Variants in TRAPPC8 observed in about 807,000 individuals in gnomAD.
TRAPPC8 encodes trafficking protein particle complex subunit 8.
A neutral mutation model predicts 174.3 loss-of-function variants in TRAPPC8; 54 were observed. The ratio of observed to expected loss-of-function variants is 0.31; its 90% CI spans 0.25 to 0.39. TRAPPC8 has a LOEUF of 0.39. Ranked by LOEUF, TRAPPC8 falls within the 10% of genes least tolerant of loss-of-function variation. TRAPPC8 has a pLI of 1.00. For synonymous variants in TRAPPC8, 630 were observed against 579.9 expected (o/e 1.09, Z -1.24); for missense variants, 1,531 against 1,699.1 (o/e 0.90, Z 1.74).
At chr18:31,919,584 AT>A (rs1568136605) in intron 2 of TRAPPC8, among the ~76,000 whole-genome samples, 80 of 77,184 alleles carry the variant, frequency 1.0e-3, no homozygotes, top group Admixed American at 3.4e-3. Context: ...AAATAAATAA[AT>A]AAATAAAATA....
chr18:31,920,219 T>A (rs1453394449), intron 2 of TRAPPC8, among the ~76,000 whole-genome samples: 1 of 152,240 alleles, frequency 6.6e-6, no homozygotes, highest in Non-Finnish European at 1.5e-5. Context: ...AAATGACAGA[T>A]AAATTATAGT....
intron 2 of TRAPPC8, among the ~76,000 whole-genome samples, chr18:31,929,228 GT>G (rs1456626290): frequency 1.3e-5 from 2 of 150,910 alleles, no homozygotes; most frequent in African/African-American, 2.4e-5. Context: ...CCAAACTCCT[GT>G]TTTCAGAGGT....
chr18:31,866,872 C>T lies in TRAPPC8; in HGVS notation c.2567G>A (p.Gly856Asp), dbSNP rs373569841. 1.2e-6 allele frequency: 2 copies of T among 1,613,344 alleles called. No homozygotes were observed. ...IQGSMTVDGIGALPGCHTGKY... is the reference protein window; with the variant it reads ...IQGSMTVDGIDALPGCHTGKY... ...ACCTGTGTGACATCCGGGAAGAGCA[C>T]CAATGCCATCTACTGTCATAGAGCC... Residue 856 changes from glycine (G) to aspartate (D), a missense_variant, in exon 18 of 29, where the codon GGT (glycine) becomes GAT (aspartate). Coordinates refer to ENST00000283351, the MANE Select transcript of TRAPPC8 (RefSeq NM_014939.5).
chr18:31,925,639 C>T (rs1195428027), intron 2 of TRAPPC8, among the ~76,000 whole-genome samples: 1 of 152,116 alleles, frequency 6.6e-6, no homozygotes, highest in Non-Finnish European at 1.5e-5. Flanking sequence ...CATAACCAGA[C>T]TGTCAAAAGA....
Position 31,830,994 on chromosome 18 carries a change from G to A in TRAPPC8, c.4074-5C>T, listed in dbSNP as rs757100798. 1.9e-6 allele frequency: 3 copies of A among 1,591,080 alleles called. No homozygotes were observed. In the East Asian group the frequency reaches 6.7e-5, roughly 36 times the overall value. On this transcript the variant is annotated splice_region_variant and splice_polypyrimidine_tract_variant and intron_variant, in intron 28 of 28. Coordinates refer to ENST00000283351, the MANE Select transcript of TRAPPC8 (RefSeq NM_014939.5). ...TGGATTTCCAGTGCTTCTGGACTAA[G>A]GGAGGAGGAAAATGTAAGTTGCAGG...
At chr18:31,934,172 A>C (rs2037978497) in intron 1 of TRAPPC8, among the ~76,000 whole-genome samples, 1 of 151,632 alleles carries the variant, frequency 6.6e-6, no homozygotes, top group Non-Finnish European at 1.5e-5. Context: ...TGGGCGACAG[A>C]GACTCCCTTT....
intron 18 of TRAPPC8, among the ~76,000 whole-genome samples, chr18:31,865,133 G>C (rs188829048): frequency 2.6e-5 from 4 of 151,906 alleles, no homozygotes; most frequent in Non-Finnish European, 5.9e-5. Flanking sequence ...CCATGAGAAC[G>C]GTATCTATTC....
intron 8 of TRAPPC8, 64 bp from the exon 9 acceptor site, chr18:31,907,674 A>G: frequency 7.4e-7 from 1 of 1,342,836 alleles, no homozygotes; most frequent in South Asian, 1.7e-5. Context: ...ATTATAAAAT[A>G]CATTAACAAG....
chr18:31,883,391 A>C (rs1301866992), intron 12 of TRAPPC8: 1 of 152,502 alleles, frequency 6.6e-6, no homozygotes, highest in African/African-American at 2.4e-5. Flanking sequence ...AAAAACACCA[A>C]AGCAGTTATC....
chr18:31,897,558 T>C (rs75997629), intron 11 of TRAPPC8, among the ~76,000 whole-genome samples: 5 of 152,336 alleles, frequency 3.3e-5, no homozygotes, highest in African/African-American at 1.2e-4. Flanking sequence ...TACATGTCTG[T>C]AGTTAATAAT....
chr18:31,925,530 T>C (rs1318500825), intron 2 of TRAPPC8, among the ~76,000 whole-genome samples: 7 of 152,176 alleles, frequency 4.6e-5, no homozygotes, highest in Admixed American at 3.9e-4. Context: ...CAGGAAGTTC[T>C]ACATCCAACT....
At chr18:31,872,990 G>C (rs1159011432) in intron 14 of TRAPPC8, among the ~76,000 whole-genome samples, 1 of 143,780 alleles carries the variant, frequency 7.0e-6, no homozygotes, top group Non-Finnish European at 1.5e-5. Flanking sequence ...AGAAGTAATA[G>C]AGAGCTATTC....
chr18:31,929,013 A>C (rs1052402173), intron 2 of TRAPPC8, among the ~76,000 whole-genome samples: 3 of 151,672 alleles, frequency 2.0e-5, no homozygotes, highest in African/African-American at 7.3e-5. Context: ...AAACTCCATC[A>C]CCTCTAAAAA....
chr18:31,850,130 A>G (rs970859684), intron 24 of TRAPPC8, among the ~76,000 whole-genome samples: 62 of 151,900 alleles, frequency 4.1e-4, no homozygotes, highest in African/African-American at 1.5e-3. Context: ...TTTTGTAGAG[A>G]CGGGGTTTTG....
chr18:31,854,226 T>C (rs1038813443), intron 21 of TRAPPC8, among the ~76,000 whole-genome samples: 11 of 152,214 alleles, frequency 7.2e-5, no homozygotes, highest in South Asian at 6.2e-4. Context: ...CAATGAGCTA[T>C]TGGTAGTATT....
intron 1 of TRAPPC8, among the ~76,000 whole-genome samples, chr18:31,938,517 C>T (rs1464234003): frequency 1.3e-5 from 2 of 152,052 alleles, no homozygotes; most frequent in Non-Finnish European, 2.9e-5. Context: ...CTTCTACCAA[C>T]CCTCTCTTTG....
chr18:31,942,441 G>T, intron 1 of TRAPPC8, 167 bp downstream of exon 1: 1 of 843,372 alleles, frequency 1.2e-6, no homozygotes, highest in Non-Finnish European at 1.7e-6. Flanking sequence ...CAACCTCACG[G>T]TCCCTCCTCC....
chr18:31,919,145 T>C lies in TRAPPC8; in HGVS notation c.353-1478A>G, dbSNP rs561570121. ...ATGAGAATGACCCATATATTACATATAGTCTGATTAGGAGAGCAACTACTA... is the reference window on the plus strand; with the variant it reads ...ATGAGAATGACCCATATATTACATACAGTCTGATTAGGAGAGCAACTACTA... On this transcript the variant is annotated intron_variant, in intron 2 of 28. Transcript: ENST00000283351. Among the ~76,000 whole-genome samples, 3 of 152,296 alleles carry C rather than the reference T, an allele frequency of 2.0e-5. No individual in the cohort carries two copies. The South Asian group carries it at 6.2e-4, about 32-fold the overall frequency.
chr18:31,902,768 T>G (rs944206558), intron 9 of TRAPPC8, among the ~76,000 whole-genome samples: 1 of 152,026 alleles, frequency 6.6e-6, no homozygotes, highest in Non-Finnish European at 1.5e-5. Flanking sequence ...TAGCCCCTAC[T>G]GGCCAGGCGC....
Sources: gnomAD v4.1 joint callset for allele counts (sites outside exome capture counted in the v4.1 genomes callset) on GRCh38, gnomAD v4.1.1 for gene constraint, MANE v1.5 for transcripts, NCBI Gene and HGNC (gene_info 2026-07-23, HGNC 2026-07-21) for gene names.